The following KCNQ5 variants were observed in gnomAD, a reference collection of about 807,000 sequenced individuals.
KCNQ5 encodes the protein potassium voltage-gated channel subfamily KQT member 5.
In KCNQ5, 30 loss-of-function variants were observed where a neutral mutation model predicts 98.2. The observed-to-expected ratio is 0.31, with a 90% CI of 0.23 to 0.41. The LOEUF (loss-of-function observed/expected upper bound fraction) is 0.41. KCNQ5 is among the 10% of genes least tolerant of loss of function. KCNQ5 has a pLI of 1.00. For synonymous variants in KCNQ5, 458 were observed against 449.4 expected (o/e 1.02, Z -0.24); for missense variants, 835 against 1,182.5 (o/e 0.71, Z 4.31).
At chr6:73,190,935 G>T (rs1184286580) in intron 12 of KCNQ5, among the ~76,000 whole-genome samples, 1 of 152,182 alleles carries the variant, frequency 6.6e-6, no homozygotes, top group Non-Finnish European at 1.5e-5. Flanking sequence ...TGGGAAGAAA[G>T]TTAGTTCTTG....
At chr6:72,774,006 T>G (rs1773042658) in intron 1 of KCNQ5, among the ~76,000 whole-genome samples, 1 of 152,084 alleles carries the variant, frequency 6.6e-6, no homozygotes, top group Non-Finnish European at 1.5e-5. Flanking sequence ...TGTGGTGCAG[T>G]GGGAAAATAA....
intron 1 of KCNQ5, among the ~76,000 whole-genome samples, chr6:72,819,611 T>C (rs777959593): frequency 6.6e-6 from 1 of 152,174 alleles, no homozygotes; most frequent in Non-Finnish European, 1.5e-5. Flanking sequence ...GGTAAAACTG[T>C]TGGGGTCCTA....
At chr6:73,153,150 C>G (rs1211333276) in intron 10 of KCNQ5, among the ~76,000 whole-genome samples, 2 of 151,994 alleles carry the variant, frequency 1.3e-5, no homozygotes, top group Non-Finnish European at 2.9e-5. Context: ...AATTCCTGAG[C>G]CTTTTGAGTT....
intron 1 of KCNQ5, among the ~76,000 whole-genome samples, chr6:72,635,757 G>A (rs1490894489): frequency 9.1e-6 from 1 of 109,552 alleles, no homozygotes; most frequent in African/African-American, 3.5e-5. Flanking sequence ...TGTACAAAAT[G>A]TTGCTTTCTT....
chr6:72,869,952 T>G (rs1562036630), intron 1 of KCNQ5, among the ~76,000 whole-genome samples: 2 of 152,238 alleles, frequency 1.3e-5, no homozygotes. Context: ...GTTTGCTCTT[T>G]AAGGCATATC....
chr6:73,123,674 C>A (rs1775834910), intron 8 of KCNQ5, among the ~76,000 whole-genome samples: 1 of 152,174 alleles, frequency 6.6e-6, no homozygotes, highest in Non-Finnish European at 1.5e-5. Context: ...GAGAGTGAAG[C>A]TGCAAAGGGC....
In KCNQ5 at chr6:72,623,391, A is replaced by AGTGTGTGTGTGTGTGTGT. The variant is rs1214797915; in HGVS notation, c.398+823_398+840dup. Among the ~76,000 whole-genome samples the AGTGTGTGTGTGTGTGTGT allele has an allele frequency of 9.6e-3, 1,369 of 143,106 alleles. 10 individuals are homozygous for AGTGTGTGTGTGTGTGTGT. The highest frequency in any genetic ancestry group is 0.021 in the Middle Eastern group (6 of 282). The allele number at this position is 143,106 out of a possible 152,430, so 93.9% of individuals were successfully genotyped here. A position where few individuals can be genotyped will look rare whatever the true frequency, so the allele number is the denominator to read the frequency against. ...CCCCGTTTGTGGCGCGGAGTCAAAG[A>AGTGTGTGTGTGTGTGTGT]GTGTGTGTGTGTGTGTGTGTGTGTG... is the stretch of plus-strand genomic sequence containing the variant. On this transcript the variant is annotated intron_variant, in intron 1 of 13. Transcript: ENST00000370398.
chr6:72,811,258 G>A (rs1775229166), intron 1 of KCNQ5, among the ~76,000 whole-genome samples: 1 of 152,122 alleles, frequency 6.6e-6, no homozygotes, highest in South Asian at 2.1e-4. Context: ...CATATTTCTG[G>A]TAGAAAAGAA....
At chr6:72,808,694 T>A (rs1775073916) in intron 1 of KCNQ5, among the ~76,000 whole-genome samples, 1 of 151,986 alleles carries the variant, frequency 6.6e-6, no homozygotes, top group South Asian at 2.1e-4. Context: ...ATGCCTATAA[T>A]CCTAGCACTT....
chr6:72,957,532 C>A (rs534735987), intron 1 of KCNQ5, among the ~76,000 whole-genome samples: 1 of 152,242 alleles, frequency 6.6e-6, no homozygotes, highest in Admixed American at 6.5e-5. Context: ...AATTTACTTT[C>A]ATCTTTGGAG....
chr6:72,891,391 A>G (rs779709388), intron 1 of KCNQ5, among the ~76,000 whole-genome samples: 7 of 152,214 alleles, frequency 4.6e-5, no homozygotes, highest in Non-Finnish European at 7.3e-5. Flanking sequence ...CAGATATTCT[A>G]GAGAATTATC....
chr6:72,762,509 A>G (rs1229119795), intron 1 of KCNQ5, among the ~76,000 whole-genome samples: 6 of 152,076 alleles, frequency 3.9e-5, no homozygotes, highest in Non-Finnish European at 8.8e-5. Context: ...ATCGTGTATC[A>G]TTTTAACCAG....
chr6:73,023,241 C>T (rs1451979552), intron 2 of KCNQ5, among the ~76,000 whole-genome samples: 4 of 152,150 alleles, frequency 2.6e-5, no homozygotes, highest in African/African-American at 9.7e-5. Flanking sequence ...AGGATTTCTG[C>T]ACTTTCTGAC....
At chr6:72,636,501 A>G (rs557519568) in intron 1 of KCNQ5, among the ~76,000 whole-genome samples, 25 of 152,340 alleles carry the variant, frequency 1.6e-4, no homozygotes, top group African/African-American at 6.0e-4. Flanking sequence ...AGAATGAAAA[A>G]CAAGTTTAAG....
intron 1 of KCNQ5, among the ~76,000 whole-genome samples, chr6:72,686,649 T>C (rs993848124): frequency 1.3e-5 from 2 of 151,962 alleles, no homozygotes; most frequent in African/African-American, 4.8e-5. Context: ...TTGTCTTCTA[T>C]TGCATCTGTA....
rs367763097 is a variant in KCNQ5, at chr6:72,842,227, A to C, written c.399-161681A>C. 7.9e-5 allele frequency among the ~76,000 whole-genome samples: 12 copies of C among 152,272 alleles called. No homozygotes were observed. In the South Asian group the frequency reaches 1.2e-3, roughly 16 times the overall value. ...GAAATGACTTCCACAATGAGAGAGAAACATCTTTCTCTCTTAATAAATCAT... is the reference window on the plus strand; with the variant it reads ...GAAATGACTTCCACAATGAGAGAGACACATCTTTCTCTCTTAATAAATCAT... On this transcript the variant is annotated intron_variant, in intron 1 of 13. Transcript: ENST00000370398.
At position 72,827,746 on chromosome 6, in the gene KCNQ5, G is replaced by T. The variant is rs72941573; in HGVS notation, c.399-176162G>T. Among the ~76,000 whole-genome samples the T allele has an allele frequency of 1.4e-3, 211 of 152,076 alleles. 1 individual carries two copies. The highest frequency in any genetic ancestry group is 2.5e-3 in the Non-Finnish European group (170 of 67,962). ...TTTTTAGTTTTATATAATCCCAGTT[G>T]TTTATTTTTGCTTTTGTTTCCTGTG... On this transcript the variant is annotated intron_variant, in intron 1 of 13. Coordinates refer to ENST00000370398, the MANE Select transcript of KCNQ5 (RefSeq NM_019842.4).
intron 1 of KCNQ5, among the ~76,000 whole-genome samples, chr6:72,700,590 T>C (rs1424139729): frequency 6.6e-6 from 1 of 152,270 alleles, no homozygotes; most frequent in Non-Finnish European, 1.5e-5. Context: ...AATAGTACAA[T>C]AAAAATCTAA....
intron 1 of KCNQ5, among the ~76,000 whole-genome samples, chr6:72,981,637 G>T (rs542950518): frequency 1.3e-5 from 2 of 152,132 alleles, no homozygotes; most frequent in African/African-American, 2.4e-5. Flanking sequence ...TTTTTGAAGG[G>T]TTTTTTGTGT....
Sources: gnomAD v4.1 joint callset for allele counts (sites outside exome capture counted in the v4.1 genomes callset) on GRCh38, gnomAD v4.1.1 for gene constraint, MANE v1.5 for transcripts, NCBI Gene and HGNC (gene_info 2026-07-23, HGNC 2026-07-21) for gene names.